CABIN1: variants seen among roughly 807,000 people sequenced by gnomAD.
CABIN1 encodes the protein calcineurin-binding protein cabin-1.
CABIN1 carries 133 observed loss-of-function variants against 227.7 expected under a neutral mutation model. The ratio of observed to expected loss-of-function variants is 0.58; its 90% CI spans 0.51 to 0.67. The LOEUF (loss-of-function observed/expected upper bound fraction) is 0.67, where lower values mean the gene tolerates loss of function less well. CABIN1 is among the 30% of genes least tolerant of loss of function. The pLI is 0.00. For missense variants in CABIN1, 2,408 were observed against 2,852.5 expected (o/e 0.84, Z 3.55); for synonymous variants, 1,086 against 1,155.1 (o/e 0.94, Z 1.21).
intron 29 of CABIN1, among the ~76,000 whole-genome samples, chr22:24,147,385 G>A (rs1246924864): frequency 2.3e-5 from 3 of 130,604 alleles, no homozygotes; most frequent in Non-Finnish European, 4.9e-5. Flanking sequence ...CCCTCCCTCC[G>A]TTCCTCCCTT....
In CABIN1 at chr22:24,041,276, G is replaced by A. The variant is rs754070874; in HGVS notation, c.345+3G>A. On this transcript the variant is annotated splice_donor_region_variant and intron_variant, in intron 5 of 36. Transcript: ENST00000263119. ...CAGCCATGGAGTTCTACTTAGAGGT[G>A]TGGTTTTGGCAGTGCTTAGCTACCT... 5.0e-6 allele frequency: 8 copies of A among 1,614,100 alleles called. No homozygotes were observed. The highest frequency in any genetic ancestry group is 6.8e-6 in the Non-Finnish European group (8 of 1,180,048).
chr22:24,120,939 A>G (rs2043374533), intron 28 of CABIN1, among the ~76,000 whole-genome samples: 1 of 152,208 alleles, frequency 6.6e-6, no homozygotes, highest in Admixed American at 6.5e-5. Context: ...CTCTGCAAAG[A>G]CACCTTTTGT....
At chr22:24,093,051 A>C (rs1325095883) in intron 24 of CABIN1, among the ~76,000 whole-genome samples, 2 of 152,104 alleles carry the variant, frequency 1.3e-5, no homozygotes, top group African/African-American at 2.4e-5. Context: ...CAGGCAGTGC[A>C]TGTCTTTGTA....
rs566042008 is a variant in CABIN1, at chr22:24,177,951, T to C, written c.6520-102T>C. 1,951 of 1,170,144 alleles carry C rather than the reference T, an allele frequency of 1.7e-3. 2 individuals carry two copies. The highest frequency in any genetic ancestry group is 2.0e-3 in the Non-Finnish European group (1,849 of 902,862). 72.5% of individuals were successfully genotyped at this position (1,170,144 alleles called of 1,614,324 possible). ...ATGGCATAGGGGCCTGGGGCAGGGG[T>C]GAGGGTGGGAGGGGGGCCTGGGGCA... On this transcript the variant is annotated intron_variant, in intron 36 of 36. Coordinates refer to ENST00000263119, the MANE Select transcript of CABIN1 (RefSeq NM_012295.4). The surrounding 1 kb of genome is among the most constrained non-coding windows in gnomAD (Gnocchi z 4.4).
chr22:24,127,997 C>A (rs969641317), intron 28 of CABIN1, among the ~76,000 whole-genome samples: 67 of 152,226 alleles, frequency 4.4e-4, no homozygotes, highest in African/African-American at 1.5e-3. Flanking sequence ...GGTCTCTACC[C>A]ACTAGATACC....
At chr22:24,116,699 A>G (rs1361922727) in intron 27 of CABIN1, among the ~76,000 whole-genome samples, 1 of 152,214 alleles carries the variant, frequency 6.6e-6, no homozygotes, top group African/African-American at 2.4e-5. Flanking sequence ...CAAGATGTGT[A>G]GCCACCTGAG....
intron 29 of CABIN1, among the ~76,000 whole-genome samples, chr22:24,136,524 A>ATTTTTTTTTTTT (rs145864566): frequency 0.022 from 1,521 of 69,800 alleles, 100 homozygotes; most frequent in East Asian, 0.065. Context: ...TAATTTTTGT[A>ATTTTTTTTTTTT]TTTTTTTTTT....
intron 26 of CABIN1, among the ~76,000 whole-genome samples, chr22:24,107,116 A>G (rs2042559918): frequency 6.6e-6 from 1 of 151,874 alleles, no homozygotes; most frequent in Admixed American, 6.6e-5. Flanking sequence ...CACCTCCCCC[A>G]CCTGCTTGCT....
At chr22:24,114,563 G>C (rs1031641714) in intron 27 of CABIN1, among the ~76,000 whole-genome samples, 2 of 152,212 alleles carry the variant, frequency 1.3e-5, no homozygotes, top group African/African-American at 4.8e-5. Flanking sequence ...ATTCAGAGAA[G>C]GTCTGGAATT....
chr22:24,170,171 AT>A (rs1307337235), intron 33 of CABIN1: 4 of 457,276 alleles, frequency 8.7e-6, no homozygotes, highest in Non-Finnish European at 1.8e-5. Flanking sequence ...CCGTGGGCAG[AT>A]TTGCGTTTCC....
chr22:24,143,575 T>C (rs1009139026), intron 29 of CABIN1, among the ~76,000 whole-genome samples: 26 of 152,168 alleles, frequency 1.7e-4, no homozygotes, highest in African/African-American at 6.3e-4. Flanking sequence ...TGGAGGATGC[T>C]ACCCTGCCTG....
intron 14 of CABIN1, 31 bp downstream of exon 14, chr22:24,063,177 A>G (rs1425921466): frequency 6.8e-6 from 11 of 1,610,290 alleles, no homozygotes; most frequent in Admixed American, 1.7e-5. Context: ...CTTGGGGAGC[A>G]TGCCCTGACA....
intron 33 of CABIN1, among the ~76,000 whole-genome samples, chr22:24,169,417 G>C (rs1350467814): frequency 6.6e-6 from 1 of 152,148 alleles, no homozygotes; most frequent in Non-Finnish European, 1.5e-5. Flanking sequence ...CAGTGGAATG[G>C]AGCCTCAGGC....
chr22:24,152,066 C>G (rs1416335548), intron 29 of CABIN1, among the ~76,000 whole-genome samples: 1 of 152,242 alleles, frequency 6.6e-6, no homozygotes, highest in Non-Finnish European at 1.5e-5. Context: ...AACAACAGCC[C>G]TGTGCACACC....
At position 24,174,844 on chromosome 22, in the gene CABIN1, G is replaced by A. The variant is rs2267072; in HGVS notation, c.6041-1267G>A. 1.2e-4 allele frequency among the ~76,000 whole-genome samples: 18 copies of A among 152,166 alleles called. 1 individual carries two copies. The East Asian group carries it at 3.3e-3, about 28-fold the overall frequency. The stretch of plus-strand genomic sequence containing the variant: ...CCGAGAGAACACAGAGGAAGCCATG[G>A]TGTCTTTTATAACCTAATCTCAGCA... On this transcript the variant is annotated intron_variant, in intron 34 of 36. Transcript: ENST00000263119.
intron 29 of CABIN1, among the ~76,000 whole-genome samples, chr22:24,138,371 A>AT (rs1390193061): frequency 5.3e-5 from 8 of 152,244 alleles, no homozygotes; most frequent in African/African-American, 1.9e-4. Context: ...TGCCCAGCCA[A>AT]TTTTTAAGTT....
At chr22:24,052,992 G>A (rs2038471159) in intron 8 of CABIN1, among the ~76,000 whole-genome samples, 1 of 151,446 alleles carries the variant, frequency 6.6e-6, no homozygotes, top group South Asian at 2.1e-4. Context: ...GAAAAAGATA[G>A]AAGAAATTCC....
intron 22 of CABIN1, among the ~76,000 whole-genome samples, chr22:24,086,060 A>T (rs1288789166): frequency 6.6e-6 from 1 of 152,184 alleles, no homozygotes; most frequent in African/African-American, 2.4e-5. Flanking sequence ...AGTTTGCAAG[A>T]CTTGTGTAGA....
chr22:24,040,999 G>C lies in CABIN1; in HGVS notation c.211-140G>C. On this transcript the variant is annotated intron_variant, in intron 4 of 36. Coordinates refer to ENST00000263119, the MANE Select transcript of CABIN1 (RefSeq NM_012295.4). Reference sequence around the variant, plus strand: ...GTCTTATAAGAACACATGGTGCAGTGCCTTCATTTTCCAGTGGTGGACAAC... The same window carrying C: ...GTCTTATAAGAACACATGGTGCAGTCCCTTCATTTTCCAGTGGTGGACAAC... 7.4e-6 allele frequency: 7 copies of C among 939,760 alleles called. 1 individual carries two copies. In the South Asian group the frequency reaches 9.4e-5, roughly 13 times the overall value. 58.2% of individuals were successfully genotyped at this position (939,760 alleles called of 1,614,324 possible). A position where few individuals can be genotyped will look rare whatever the true frequency, so the allele number is the denominator to read the frequency against.
Sources: allele counts gnomAD v4.1 joint callset (sites outside exome capture counted in the v4.1 genomes callset), GRCh38; gene constraint gnomAD v4.1.1; non-coding constraint Gnocchi (gnomAD v3.1); transcripts MANE v1.5; gene names NCBI Gene and HGNC (gene_info 2026-07-23, HGNC 2026-07-21).